WARS2: variants seen among roughly 807,000 people sequenced by gnomAD.
WARS2 encodes the protein tryptophan--tRNA ligase, mitochondrial.
In WARS2, 28 loss-of-function variants were observed where a neutral mutation model predicts 36.5. The observed-to-expected ratio is 0.77, with a 90% CI of 0.57 to 1.05. The LOEUF is 1.05. WARS2 is among the 50% of genes least tolerant of loss of function. The pLI, the probability that WARS2 is intolerant of heterozygous loss-of-function variation, is 0.00. For synonymous variants in WARS2, 174 were observed against 178.4 expected, an observed-to-expected ratio of 0.98 and a Z score of 0.20; for missense variants, 435 against 456.8, an observed-to-expected ratio of 0.95 and a Z score of 0.44.
rs587727499 is a variant in WARS2 at position 119,137,528 on chromosome 1, C to A, written c.90+3027G>T. ...GAATAACAAATACTTTTGCAAAAAT[C>A]TACTAACCATCAATATTTCACTCTT... On this transcript the variant is annotated intron_variant, in intron 1 of 5. Coordinates refer to ENST00000235521, the MANE Select transcript of WARS2 (RefSeq NM_015836.4). Among the ~76,000 whole-genome samples the A allele has an allele frequency of 3.9e-5, 6 of 152,216 alleles. No homozygotes were observed. In the South Asian group the frequency reaches 1.0e-3, roughly 26 times the overall value.
At chr1:119,135,694 G>T (rs1477276408) in intron 1 of WARS2, among the ~76,000 whole-genome samples, 1 of 151,640 alleles carries the variant, frequency 6.6e-6, no homozygotes, top group Non-Finnish European at 1.5e-5. Flanking sequence ...ATGGAATATA[G>T]AGATAGATAG....
At chr1:119,128,292 T>A (rs1415454525) in intron 1 of WARS2, among the ~76,000 whole-genome samples, 1 of 152,026 alleles carries the variant, frequency 6.6e-6, no homozygotes, top group Non-Finnish European at 1.5e-5. Flanking sequence ...GCCAGGCTTG[T>A]CTCAAACTCC....
At chr1:119,092,191 A>T (rs1209318565) in intron 1 of WARS2, among the ~76,000 whole-genome samples, 1 of 152,162 alleles carries the variant, frequency 6.6e-6, no homozygotes, top group Non-Finnish European at 1.5e-5. Flanking sequence ...ACTGACCAAA[A>T]CATTCACAAA....
At chr1:119,074,639 CAA>C (rs1321261016) in intron 2 of WARS2, among the ~76,000 whole-genome samples, 1 of 152,168 alleles carries the variant, frequency 6.6e-6, no homozygotes, top group Non-Finnish European at 1.5e-5. Context: ...AAGCTGGCAA[CAA>C]AGTTGATAAC....
At position 119,064,861 on chromosome 1, in the gene WARS2, G is replaced by GA. The variant is rs1230059908; in HGVS notation, c.348+11488dup. 9.3e-5 allele frequency: 14 copies of GA among 150,232 alleles called. 1 individual carries two copies. Among genetic ancestry groups the GA allele is most frequent in the African/African-American group, 3.5e-4 (14 of 39,666 alleles). The allele number at this position is 150,232 out of a possible 1,614,324, so 9.3% of individuals were successfully genotyped here. On this transcript the variant is annotated intron_variant, in intron 2 of 5. Transcript: ENST00000235521. ...TGTACAGTATATACCTATCTTAAAG[G>GA]AAAGTCTCAAAAATCTTTTACTGAT... is the stretch of plus-strand genomic sequence containing the variant.
At position 119,042,378 on chromosome 1, in the gene WARS2, A is replaced by G. The variant is rs748909829; in HGVS notation, c.430-29T>C. On this transcript the variant is annotated intron_variant, in intron 3 of 5. Coordinates refer to ENST00000235521, the MANE Select transcript of WARS2 (RefSeq NM_015836.4). ...TGAGAGGTGAAAAGAGAGGAGGGGA[A>G]GAAATCTGAAATCTGACTTGAACCT... 4 of 1,606,506 alleles carry G rather than the reference A, an allele frequency of 2.5e-6. No homozygotes were observed. In the South Asian group the frequency reaches 3.3e-5, roughly 13 times the overall value.
chr1:119,104,267 A>G (rs1485933801), intron 1 of WARS2, among the ~76,000 whole-genome samples: 2 of 151,672 alleles, frequency 1.3e-5, no homozygotes, highest in Admixed American at 1.3e-4. Flanking sequence ...TAATATTAGG[A>G]TCCTTTCCCC....
At chr1:119,071,605 A>G (rs1651319925) in intron 2 of WARS2, among the ~76,000 whole-genome samples, 1 of 152,234 alleles carries the variant, frequency 6.6e-6, no homozygotes. Context: ...AGACAAATAC[A>G]GCATAAGCTC....
At chr1:119,055,801 G>A (rs369328688) in intron 2 of WARS2, among the ~76,000 whole-genome samples, 16 of 152,168 alleles carry the variant, frequency 1.1e-4, no homozygotes, top group African/African-American at 3.9e-4. Flanking sequence ...AAGAAAATCT[G>A]AAGGGAAATA....
chr1:119,105,938 GGTGGAGTCAACT>G (rs1457463969), intron 1 of WARS2, among the ~76,000 whole-genome samples: 2 of 151,994 alleles, frequency 1.3e-5, no homozygotes, highest in East Asian at 3.9e-4. Flanking sequence ...TAGGAGGGAG[GGTGGAGTCAACT>G]GTGTCAAATG....
intron 1 of WARS2, among the ~76,000 whole-genome samples, chr1:119,107,221 G>T (rs1037032521): frequency 2.0e-5 from 3 of 151,994 alleles, no homozygotes; most frequent in African/African-American, 7.2e-5. Context: ...TATCAGATTT[G>T]TCCTTTGCAA....
intron 1 of WARS2, among the ~76,000 whole-genome samples, chr1:119,122,542 G>A (rs1271721597): frequency 2.0e-5 from 3 of 152,266 alleles, no homozygotes; most frequent in Middle Eastern, 3.4e-3. Flanking sequence ...CCACTACTGG[G>A]TATTTGCCCA....
intron 1 of WARS2, among the ~76,000 whole-genome samples, chr1:119,086,709 G>T (rs1055994820): frequency 6.6e-6 from 1 of 152,156 alleles, no homozygotes; most frequent in Non-Finnish European, 1.5e-5. Context: ...GGAGAAGAAA[G>T]ATACTAAAAT....
intron 1 of WARS2, among the ~76,000 whole-genome samples, chr1:119,129,855 C>G (rs1217932202): frequency 2.0e-5 from 3 of 152,178 alleles, no homozygotes; most frequent in African/African-American, 7.2e-5. Flanking sequence ...TCCTGACCAA[C>G]TACTATAATA....
chr1:119,094,561 T>G (rs1653281801), intron 1 of WARS2, among the ~76,000 whole-genome samples: 1 of 152,130 alleles, frequency 6.6e-6, no homozygotes, highest in Admixed American at 6.6e-5. Flanking sequence ...AAAAAATAAA[T>G]GTTATTGTAT....
At chr1:119,054,459 G>A (rs549138078) in intron 2 of WARS2, among the ~76,000 whole-genome samples, 3 of 152,262 alleles carry the variant, frequency 2.0e-5, no homozygotes, top group Admixed American at 6.5e-5. Flanking sequence ...TGATAGGAAT[G>A]TAAAATGGTG....
chr1:119,062,573 A>C lies in WARS2; in HGVS notation c.348+13777T>G, dbSNP rs146382658. The stretch of plus-strand genomic sequence containing the variant: ...ATATGGTTTGGCTGTGTCCCCACAT[A>C]ATCTCAACTTGAATTGTATCTCGCA... On this transcript the variant is annotated intron_variant, in intron 2 of 5. Coordinates refer to ENST00000235521, the MANE Select transcript of WARS2 (RefSeq NM_015836.4). Among the ~76,000 whole-genome samples, 1,192 of 152,204 alleles carry C rather than the reference A, an allele frequency of 7.8e-3. 14 individuals carry two copies. Among genetic ancestry groups the C allele is most frequent in the African/African-American group, 0.027 (1,134 of 41,528 alleles).
chr1:119,033,537 C>T (rs1452315957), intron 5 of WARS2, 178 bp from the exon 6 acceptor site: 5 of 734,958 alleles, frequency 6.8e-6, no homozygotes, highest in Non-Finnish European at 1.1e-5. Flanking sequence ...ACCCACACAA[C>T]CATTCTGTTT....
chr1:119,126,272 A>G (rs1055402298), intron 1 of WARS2, among the ~76,000 whole-genome samples: 68 of 152,016 alleles, frequency 4.5e-4, no homozygotes, highest in Non-Finnish European at 9.0e-4. Flanking sequence ...GTTTTGAAAA[A>G]AAAAAAAAAA....
Sources: gnomAD v4.1 joint callset for allele counts (sites outside exome capture counted in the v4.1 genomes callset) on GRCh38, gnomAD v4.1.1 for gene constraint, MANE v1.5 for transcripts, NCBI Gene and HGNC (gene_info 2026-07-23, HGNC 2026-07-21) for gene names.